Variants in RELN observed in about 807,000 individuals in gnomAD.
The protein encoded by RELN is reelin.
In RELN, 108 loss-of-function variants were observed where a neutral mutation model predicts 427.6. That is an observed-to-expected ratio of 0.25 (90% CI 0.22 to 0.30). The LOEUF is 0.30. Among genes scored for constraint, RELN ranks in the 10% least tolerant of loss-of-function variants. RELN has a pLI of 1.00. For synonymous variants in RELN, 1,524 were observed against 1,513.4 expected (o/e 1.01, Z -0.16); for missense variants, 3,715 against 4,302.8 (o/e 0.86, Z 3.82).
intron 16 of RELN, among the ~76,000 whole-genome samples, chr7:103,644,936 TAG>T (rs1355897809): frequency 1.3e-5 from 2 of 151,742 alleles, no homozygotes; most frequent in East Asian, 3.9e-4. Flanking sequence ...GAATTCTTAA[TAG>T]AAACCTTATA....
At chr7:103,655,888 A>G (rs1480993056) in intron 12 of RELN, among the ~76,000 whole-genome samples, 1 of 152,052 alleles carries the variant, frequency 6.6e-6, no homozygotes, top group African/African-American at 2.4e-5. Context: ...ATCTTTTTTG[A>G]TCCCATAAAC....
Position 103,500,777 on chromosome 7 carries a change from C to CTGAG in RELN, c.8631_8634dup (p.Gly2879LeufsTer20). On this transcript the variant is annotated frameshift_variant, in exon 53 of 65. Coordinates refer to ENST00000428762, the MANE Select transcript of RELN (RefSeq NM_005045.4). LOFTEE classifies it high-confidence loss of function. ...GTGTGGGTCAAGTAGCAGTTTGGCCCTGAGTATCCCGGATCACAGATGCAC... is the reference window on the plus strand; with the variant it reads ...GTGTGGGTCAAGTAGCAGTTTGGCCCTGAGTGAGTATCCCGGATCACAGATGCAC... The CTGAG allele has an allele frequency of 6.2e-7, 1 of 1,614,084 alleles. No homozygotes were observed. The highest frequency in any genetic ancestry group is 8.5e-7 in the Non-Finnish European group (1 of 1,179,994).
intron 44 of RELN, chr7:103,539,561 C>A: frequency 1.9e-6 from 1 of 534,158 alleles, no homozygotes; most frequent in South Asian, 2.1e-5. Flanking sequence ...CCATTCACAG[C>A]CTACATTGGC....
chr7:103,647,875 A>G (rs1332103202), intron 16 of RELN, among the ~76,000 whole-genome samples: 3 of 152,064 alleles, frequency 2.0e-5, no homozygotes, highest in African/African-American at 7.2e-5. Flanking sequence ...ATGGAACAGA[A>G]TAGAGAGCCC....
chr7:103,766,605 T>C (rs917793715), intron 4 of RELN, among the ~76,000 whole-genome samples: 21 of 152,356 alleles, frequency 1.4e-4, no homozygotes, highest in African/African-American at 4.8e-4. Flanking sequence ...CATTCTGGAC[T>C]TCTTGTTAAA....
At chr7:103,905,690 CT>C in intron 2 of RELN, among the ~76,000 whole-genome samples, 1 of 2,384 alleles carries the variant, frequency 4.2e-4, no homozygotes, top group Non-Finnish European at 7.5e-4. Context: ...GTGAAGATGA[CT>C]TCACAGGAGT....
At chr7:103,750,380 G>A (rs1482159431) in intron 5 of RELN, among the ~76,000 whole-genome samples, 1 of 152,172 alleles carries the variant, frequency 6.6e-6, no homozygotes. Flanking sequence ...TGCCACAATT[G>A]TAAGTTTCCT....
At chr7:103,839,280 C>T (rs1468773917) in intron 2 of RELN, among the ~76,000 whole-genome samples, 3 of 148,246 alleles carry the variant, frequency 2.0e-5, no homozygotes, top group African/African-American at 7.5e-5. Flanking sequence ...ACTTCAAACA[C>T]TATGACTATA....
intron 2 of RELN, among the ~76,000 whole-genome samples, chr7:103,882,648 G>T (rs1379409274): frequency 1.3e-5 from 2 of 152,076 alleles, no homozygotes; most frequent in East Asian, 3.9e-4. Flanking sequence ...TACCATCAGA[G>T]AATACTATAA....
chr7:103,492,100 C>T (rs955171029), intron 57 of RELN, 74 bp from the exon 58 acceptor site: 21 of 1,198,316 alleles, frequency 1.8e-5, no homozygotes, highest in Middle Eastern at 3.9e-4. Context: ...AAATCCCATC[C>T]GTCCATTTAT....
chr7:103,681,095 T>A, intron 11 of RELN, among the ~76,000 whole-genome samples: 1 of 152,238 alleles, frequency 6.6e-6, no homozygotes, highest in South Asian at 2.1e-4. Context: ...GTAAGAATTT[T>A]TGTGTCTTTC....
At chr7:103,762,710 C>T (rs547665969) in intron 4 of RELN, among the ~76,000 whole-genome samples, 25 of 152,296 alleles carry the variant, frequency 1.6e-4, no homozygotes, top group Non-Finnish European at 3.4e-4. Flanking sequence ...TCCTCTGTTC[C>T]TTTTCTTCCT....
Position 103,788,677 on chromosome 7 carries a change from G to A in RELN, c.474-12050C>T, listed in dbSNP as rs1054226398. Among the ~76,000 whole-genome samples, 18 of 152,256 alleles carry A rather than the reference G, an allele frequency of 1.2e-4. No individual in the cohort carries two copies. The East Asian group carries it at 3.5e-3, about 29-fold the overall frequency. ...GGAGAACTACAAACCACTGCTCAAG[G>A]AAATAAGAGAGGACACAAACAAATG... On this transcript the variant is annotated intron_variant, in intron 3 of 64. Coordinates refer to ENST00000428762, the MANE Select transcript of RELN (RefSeq NM_005045.4).
chr7:103,488,190 A>C (rs1412545847), intron 60 of RELN, among the ~76,000 whole-genome samples: 2 of 152,198 alleles, frequency 1.3e-5, no homozygotes, highest in Non-Finnish European at 2.9e-5. Context: ...TGGGATAAAT[A>C]AATAATGATA....
intron 1 of RELN, among the ~76,000 whole-genome samples, chr7:103,970,984 C>G (rs549030938): frequency 6.6e-6 from 1 of 151,976 alleles, no homozygotes; most frequent in Non-Finnish European, 1.5e-5. Context: ...GGCAAAACCC[C>G]GTCTCTGCTA....
intron 22 of RELN, among the ~76,000 whole-genome samples, chr7:103,606,667 G>A (rs1831827864): frequency 1.3e-5 from 2 of 152,220 alleles, no homozygotes; most frequent in South Asian, 4.1e-4. Flanking sequence ...AATGGGCATG[G>A]GGAAGGGTTT....
At chr7:103,641,028 C>A (rs551206363) in intron 16 of RELN, among the ~76,000 whole-genome samples, 1 of 152,114 alleles carries the variant, frequency 6.6e-6, no homozygotes, top group Non-Finnish European at 1.5e-5. Context: ...AAATCTATAA[C>A]ACTGTGGATG....
chr7:103,524,347 A>G (rs1054962697), intron 46 of RELN, among the ~76,000 whole-genome samples: 4 of 150,564 alleles, frequency 2.7e-5, no homozygotes, highest in Non-Finnish European at 5.9e-5. Flanking sequence ...GAAAAAAAAG[A>G]GAGAGCATAA....
chr7:103,933,949 G>A (rs1446636991), intron 1 of RELN, among the ~76,000 whole-genome samples: 3 of 152,298 alleles, frequency 2.0e-5, no homozygotes, highest in South Asian at 2.1e-4. Flanking sequence ...AGATACACAC[G>A]AAGGGTTCTG....
Sources: allele counts gnomAD v4.1 joint callset (sites outside exome capture counted in the v4.1 genomes callset), GRCh38; gene constraint gnomAD v4.1.1; transcripts MANE v1.5; gene names NCBI Gene and HGNC (gene_info 2026-07-23, HGNC 2026-07-21).